The following SEMA3E variants were observed in gnomAD, a reference collection of about 807,000 sequenced individuals.
SEMA3E encodes the protein semaphorin-3E.
SEMA3E carries 49 observed loss-of-function variants against 93.6 expected under a neutral mutation model. The ratio of observed to expected loss-of-function variants is 0.52; its 90% confidence interval spans 0.42 to 0.66. The LOEUF is 0.66. SEMA3E is among the 30% of genes least tolerant of loss of function. SEMA3E has a pLI of 0.00. For missense variants in SEMA3E, 906 were observed against 964.8 expected (o/e 0.94, Z 0.81); for synonymous variants, 363 against 330.7 (o/e 1.10, Z -1.06).
intron 4 of SEMA3E, among the ~76,000 whole-genome samples, chr7:83,431,676 T>A (rs1198568210): frequency 2.8e-5 from 2 of 70,412 alleles, no homozygotes; most frequent in African/African-American, 4.0e-5. Context: ...AATGCTGGAG[T>A]TACAAGCATG....
chr7:83,385,872 T>A (rs1787869832), intron 15 of SEMA3E, among the ~76,000 whole-genome samples: 1 of 152,146 alleles, frequency 6.6e-6, no homozygotes, highest in African/African-American at 2.4e-5. Flanking sequence ...GACAAGGGAT[T>A]GCATTTATCT....
intron 2 of SEMA3E, among the ~76,000 whole-genome samples, chr7:83,486,918 A>G (rs1790269752): frequency 6.6e-6 from 1 of 152,118 alleles, no homozygotes; most frequent in Admixed American, 6.6e-5. Flanking sequence ...ACCCTGGAGT[A>G]TGGGGTACTC....
At chr7:83,633,412 C>G (rs540079367) in intron 1 of SEMA3E, among the ~76,000 whole-genome samples, 22 of 152,300 alleles carry the variant, frequency 1.4e-4, no homozygotes, top group African/African-American at 5.3e-4. Flanking sequence ...AAATTTGCTT[C>G]TACCACATTT....
chr7:83,499,966 A>T (rs1030883114), intron 1 of SEMA3E, among the ~76,000 whole-genome samples: 2 of 152,186 alleles, frequency 1.3e-5, no homozygotes, highest in Non-Finnish European at 2.9e-5. Flanking sequence ...TTATGTGGGG[A>T]TAAGAAATGT....
At chr7:83,542,611 C>A (rs1398732717) in intron 1 of SEMA3E, among the ~76,000 whole-genome samples, 2 of 151,810 alleles carry the variant, frequency 1.3e-5, no homozygotes, top group African/African-American at 2.4e-5. Context: ...AAAAACTGAC[C>A]TTTTCAAAAG....
intron 2 of SEMA3E, among the ~76,000 whole-genome samples, chr7:83,482,544 G>C (rs943889193): frequency 2.6e-5 from 3 of 117,352 alleles, no homozygotes; most frequent in Admixed American, 2.5e-4. Context: ...CAGCCTGCGC[G>C]ACAGAGCCAC....
chr7:83,391,408 G>A (rs1788015061), intron 14 of SEMA3E, among the ~76,000 whole-genome samples: 1 of 151,996 alleles, frequency 6.6e-6, no homozygotes, highest in African/African-American at 2.4e-5. Flanking sequence ...ACAGTAATTG[G>A]CTTAATAGGT....
At chr7:83,385,561 TAATTTA>T in intron 15 of SEMA3E, 128 bp from the exon 16 acceptor site, 1 of 1,040,188 alleles carries the variant, frequency 9.6e-7, no homozygotes, top group South Asian at 1.3e-5. Flanking sequence ...CTGCAAAAGG[TAATTTA>T]AAGGAATTAT....
At chr7:83,455,831 A>G (rs1789467155) in intron 4 of SEMA3E, among the ~76,000 whole-genome samples, 1 of 152,254 alleles carries the variant, frequency 6.6e-6, no homozygotes, top group Non-Finnish European at 1.5e-5. Flanking sequence ...GCTGATAGCC[A>G]TCTAGAAAAT....
At chr7:83,406,286 C>T (rs1054860041) in intron 7 of SEMA3E, among the ~76,000 whole-genome samples, 1 of 151,814 alleles carries the variant, frequency 6.6e-6, no homozygotes. Context: ...CACCCTGATA[C>T]AGTAAATATA....
rs180833870 is a variant in SEMA3E at position 83,559,616 on chromosome 7, C to T, written c.116-69342G>A. 2.8e-3 allele frequency among the ~76,000 whole-genome samples: 427 copies of T among 151,952 alleles called. 1 individual carries two copies. Among genetic ancestry groups the T allele is most frequent in the Non-Finnish European group, 5.2e-3 (355 of 67,924 alleles). On this transcript the variant is annotated intron_variant, in intron 1 of 16. Transcript: ENST00000643230. ...AGCAACAGGAACTCTAATTCATTGT[C>T]GGTGGGAAGGCAAAATGAGACAGCC...
intron 5 of SEMA3E, among the ~76,000 whole-genome samples, chr7:83,415,474 T>A (rs1357883806): frequency 6.6e-6 from 1 of 152,126 alleles, no homozygotes; most frequent in Non-Finnish European, 1.5e-5. Flanking sequence ...TAGAAGCTTG[T>A]TTTTACTCCT....
At chr7:83,553,453 A>G (rs1319967434) in intron 1 of SEMA3E, among the ~76,000 whole-genome samples, 4 of 152,316 alleles carry the variant, frequency 2.6e-5, no homozygotes, top group East Asian at 3.9e-4. Flanking sequence ...ATATAGATAC[A>G]TATATACACA....
At chr7:83,506,026 A>AT in intron 1 of SEMA3E, among the ~76,000 whole-genome samples, 1 of 132,072 alleles carries the variant, frequency 7.6e-6, no homozygotes. Context: ...AAAAAAAAAA[A>AT]AAAAAAATAT....
intron 1 of SEMA3E, among the ~76,000 whole-genome samples, chr7:83,567,078 T>C (rs533594326): frequency 1.3e-5 from 2 of 152,226 alleles, no homozygotes; most frequent in South Asian, 4.1e-4. Context: ...AGAAATTCCA[T>C]ACAAACAGAA....
intron 1 of SEMA3E, among the ~76,000 whole-genome samples, chr7:83,490,986 G>T (rs1017639074): frequency 6.6e-6 from 1 of 152,046 alleles, no homozygotes; most frequent in Non-Finnish European, 1.5e-5. Context: ...TTGGTAAAAC[G>T]ATATATGAGA....
At chr7:83,461,455 G>A (rs369088231) in intron 4 of SEMA3E, among the ~76,000 whole-genome samples, 3 of 152,034 alleles carry the variant, frequency 2.0e-5, no homozygotes, top group East Asian at 1.9e-4. Flanking sequence ...TTACAGTTTC[G>A]TTCAGTGACT....
chr7:83,449,023 A>G, intron 4 of SEMA3E, among the ~76,000 whole-genome samples: 1 of 152,132 alleles, frequency 6.6e-6, no homozygotes, highest in East Asian at 1.9e-4. Context: ...GCCAAATACA[A>G]ACATATAACT....
At chr7:83,576,611 A>C (rs1792405852) in intron 1 of SEMA3E, among the ~76,000 whole-genome samples, 1 of 151,856 alleles carries the variant, frequency 6.6e-6, no homozygotes, top group Non-Finnish European at 1.5e-5. Flanking sequence ...CTATCGATCT[A>C]TCTCTCTATA....
Sources: gnomAD v4.1 joint callset for allele counts (sites outside exome capture counted in the v4.1 genomes callset) on GRCh38, gnomAD v4.1.1 for gene constraint, MANE v1.5 for transcripts, NCBI Gene and HGNC (gene_info 2026-07-23, HGNC 2026-07-21) for gene names.